The following AJAP1 variants were observed in gnomAD, a reference collection of about 807,000 sequenced individuals.
AJAP1 encodes adherens junction-associated protein 1.
Under a neutral mutation model 35.0 loss-of-function variants are expected in AJAP1, and 5 were observed. That is an observed-to-expected ratio of 0.14 (90% CI 0.07 to 0.30). The LOEUF is 0.30. Ranked by LOEUF, AJAP1 falls within the 10% of genes least tolerant of loss-of-function variation. AJAP1 has a pLI of 1.00. For synonymous variants in AJAP1, 284 were observed against 249.3 expected, an observed-to-expected ratio of 1.14 and a Z score of -1.31; for missense variants, 586 against 571.0, an observed-to-expected ratio of 1.03 and a Z score of -0.27.
intron 2 of AJAP1, among the ~76,000 whole-genome samples, chr1:4,768,671 G>A (rs1490981912): frequency 6.6e-6 from 1 of 152,218 alleles, no homozygotes. Context: ...CAGGACAGTT[G>A]CTTGGATCTC....
intron 1 of AJAP1, among the ~76,000 whole-genome samples, chr1:4,673,898 A>G (rs1639302248): frequency 6.6e-6 from 1 of 152,060 alleles, no homozygotes; most frequent in South Asian, 2.1e-4. Context: ...CCGTGAAATG[A>G]ATTGAACCTC....
intron 2 of AJAP1, among the ~76,000 whole-genome samples, chr1:4,714,545 C>T (rs1640344569): frequency 2.0e-5 from 3 of 152,174 alleles, no homozygotes; most frequent in South Asian, 2.1e-4. Flanking sequence ...CCCGGGACAG[C>T]GTTGTAGGCT....
chr1:4,765,597 G>T (rs931381030), intron 2 of AJAP1, among the ~76,000 whole-genome samples: 1 of 152,018 alleles, frequency 6.6e-6, no homozygotes, highest in Non-Finnish European at 1.5e-5. Context: ...ATAAGATATG[G>T]TCTCTCTCTA....
chr1:4,768,245 C>T (rs1641732985), intron 2 of AJAP1, among the ~76,000 whole-genome samples: 1 of 152,220 alleles, frequency 6.6e-6, no homozygotes, highest in African/African-American at 2.4e-5. Flanking sequence ...AGGTGCACAA[C>T]AAACAGTTCC....
intron 2 of AJAP1, among the ~76,000 whole-genome samples, chr1:4,714,016 G>A (rs1023902254): frequency 6.6e-6 from 1 of 152,224 alleles, no homozygotes; most frequent in Non-Finnish European, 1.5e-5. Context: ...CAGGCACCGG[G>A]CAGTCCTTGG....
chr1:4,770,186 CT>C (rs1641804675), intron 3 of AJAP1, among the ~76,000 whole-genome samples: 1 of 152,180 alleles, frequency 6.6e-6, no homozygotes, highest in Admixed American at 6.5e-5. Context: ...GCGTGTGGTC[CT>C]GGGTTCCAGA....
In AJAP1 at chr1:4,712,594, C is replaced by A. The variant is rs1253770558; in HGVS notation, c.724C>A (p.Pro242Thr). Reference sequence around the variant, plus strand: ...TAAGGGGTTCACCGAGTCCTTGGATCCCCGGAGAAGGATCCCAGGTGGGGT... The same window carrying A: ...TAAGGGGTTCACCGAGTCCTTGGATACCCGGAGAAGGATCCCAGGTGGGGT... ...QTKGFTESLDPRRRIPGGVST... is the reference protein window; with the variant it reads ...QTKGFTESLDTRRRIPGGVST... The change falls in exon 2 of 6, where the codon CCC becomes ACC. Residue 242 changes from proline (P) to threonine (T), a missense_variant. Pro to Thr is a conservative substitution (Grantham distance 38). Transcript: ENST00000378191. 1 of 1,604,278 alleles carries A rather than the reference C, an allele frequency of 6.2e-7. No homozygotes were observed. Among genetic ancestry groups the A allele is most frequent in the Non-Finnish European group, 8.5e-7 (1 of 1,173,864 alleles).
intron 1 of AJAP1, among the ~76,000 whole-genome samples, chr1:4,702,299 C>T (rs908723576): frequency 1.3e-5 from 2 of 152,202 alleles, no homozygotes; most frequent in East Asian, 1.9e-4. Flanking sequence ...TGATCAGAGG[C>T]CAGCTCACTG....
intron 1 of AJAP1, among the ~76,000 whole-genome samples, chr1:4,682,835 GTGATGGTGA>G (rs1157261315): frequency 2.0e-5 from 3 of 151,964 alleles, no homozygotes; most frequent in Non-Finnish European, 2.9e-5. Context: ...GGTGGTGTTG[GTGATGGTGA>G]TGATGGTGAT....
At chr1:4,741,115 G>A (rs1641059902) in intron 2 of AJAP1, among the ~76,000 whole-genome samples, 1 of 152,078 alleles carries the variant, frequency 6.6e-6, no homozygotes, top group Non-Finnish European at 1.5e-5. Context: ...TCACGCAGGG[G>A]TTGGGTGGAT....
Position 4,655,360 on chromosome 1 carries a change from G to A in AJAP1, c.-66G>A. 2.1e-6 allele frequency: 3 copies of A among 1,457,852 alleles called. No homozygotes were observed. The highest frequency in any genetic ancestry group is 2.8e-6 in the Non-Finnish European group (3 of 1,087,858). 90.3% of individuals were successfully genotyped at this position (1,457,852 alleles called of 1,614,324 possible). On this transcript the variant is annotated 5_prime_UTR_variant, in exon 1 of 6. Coordinates refer to ENST00000378191, the MANE Select transcript of AJAP1 (RefSeq NM_018836.4). This position sits in a 1 kb window ranked among gnomAD's most constrained non-coding sequence, Gnocchi z 6.9. ...CGGCGCCGCGGGACGGAAGCGAGCGGGCGCGGGCGCCGCGCAGATGGCCTG... is the reference window on the plus strand; with the variant it reads ...CGGCGCCGCGGGACGGAAGCGAGCGAGCGCGGGCGCCGCGCAGATGGCCTG...
intron 2 of AJAP1, among the ~76,000 whole-genome samples, chr1:4,729,068 C>A (rs1020288408): frequency 6.6e-6 from 1 of 152,186 alleles, no homozygotes; most frequent in Non-Finnish European, 1.5e-5. Flanking sequence ...TCTTCTGATA[C>A]ATCCTGGAAA....
intron 1 of AJAP1, among the ~76,000 whole-genome samples, chr1:4,708,003 C>T (rs1327289404): frequency 6.8e-6 from 1 of 146,774 alleles, no homozygotes; most frequent in Non-Finnish European, 1.5e-5. Flanking sequence ...CAGTCTCACT[C>T]CATCTCCAGC....
intron 2 of AJAP1, among the ~76,000 whole-genome samples, chr1:4,719,342 T>C (rs1417946114): frequency 2.0e-5 from 3 of 152,086 alleles, no homozygotes; most frequent in Non-Finnish European, 1.5e-5. Context: ...AAAATTCCAG[T>C]TGGGAAATCC....
chr1:4,696,199 G>C (rs1014542998), intron 1 of AJAP1, among the ~76,000 whole-genome samples: 3 of 152,162 alleles, frequency 2.0e-5, no homozygotes, highest in Non-Finnish European at 4.4e-5. Flanking sequence ...GCTGGCTCCT[G>C]GTCATTCAGA....
At position 4,655,352 on chromosome 1, in the gene AJAP1, A is replaced by C; in HGVS notation, c.-74A>C. On this transcript the variant is annotated 5_prime_UTR_variant, in exon 1 of 6. Coordinates refer to ENST00000378191, the MANE Select transcript of AJAP1 (RefSeq NM_018836.4). The surrounding 1 kb of genome is among the most constrained non-coding windows in gnomAD (Gnocchi z 6.9). The stretch of plus-strand genomic sequence containing the variant: ...CCGGAGACCGGCGCCGCGGGACGGA[A>C]GCGAGCGGGCGCGGGCGCCGCGCAG... 7.1e-7 allele frequency: 1 copy of C among 1,414,638 alleles called. No homozygotes were observed. Among genetic ancestry groups the C allele is most frequent in the Non-Finnish European group, 9.4e-7 (1 of 1,059,826 alleles). 87.6% of individuals were successfully genotyped at this position (1,414,638 alleles called of 1,614,324 possible).
intron 1 of AJAP1, among the ~76,000 whole-genome samples, chr1:4,704,422 C>T (rs61765032): frequency 0.12 from 18,527 of 149,824 alleles, 1,278 homozygotes; most frequent in African/African-American, 0.19. Context: ...GTTTTTTGTC[C>T]TTGCGATAGT....
chr1:4,693,516 C>G lies in AJAP1; in HGVS notation c.30-18384C>G, dbSNP rs1015795561. On this transcript the variant is annotated intron_variant, in intron 1 of 5. Transcript: ENST00000378191. This position sits in a 1 kb window ranked among gnomAD's most constrained non-coding sequence, Gnocchi z 4.4. ...TGGCTGCAGAATGGCCCTTCCTCCCCACGTGGGGCTGACAGCCTGTGTTTT... is the reference window on the plus strand; with the variant it reads ...TGGCTGCAGAATGGCCCTTCCTCCCGACGTGGGGCTGACAGCCTGTGTTTT... Among the ~76,000 whole-genome samples the G allele has an allele frequency of 2.6e-5, 4 of 152,038 alleles. No homozygotes were observed. Among genetic ancestry groups the G allele is most frequent in the Non-Finnish European group, 5.9e-5 (4 of 68,002 alleles).
intron 2 of AJAP1, among the ~76,000 whole-genome samples, chr1:4,758,368 T>C (rs1641484660): frequency 6.6e-6 from 1 of 152,052 alleles, no homozygotes; most frequent in Admixed American, 6.6e-5. Flanking sequence ...CGAGACTGGG[T>C]AATTTATAAA....
Sources: gnomAD v4.1 joint callset for allele counts (sites outside exome capture counted in the v4.1 genomes callset) on GRCh38, gnomAD v4.1.1 for gene constraint, Gnocchi (gnomAD v3.1) non-coding constraint, MANE v1.5 for transcripts, NCBI Gene and HGNC (gene_info 2026-07-23, HGNC 2026-07-21) for gene names.